PKHD1: variants seen among roughly 807,000 people sequenced by gnomAD.
The protein encoded by PKHD1 is PKHD1 ciliary IPT domain containing fibrocystin/polyductin, also known as fibrocystin.
In PKHD1, 291 loss-of-function variants were observed where a neutral mutation model predicts 412.0. The ratio of observed to expected loss-of-function variants is 0.71; its 90% confidence interval spans 0.64 to 0.78. The LOEUF (loss-of-function observed/expected upper bound fraction) is 0.78, where lower values mean the gene tolerates loss of function less well. PKHD1 is among the 30% of genes least tolerant of loss of function. The pLI is 0.00. For synonymous variants in PKHD1, 1,777 were observed against 1,821.5 expected (o/e 0.98, Z 0.62); for missense variants, 4,825 against 4,950.7 (o/e 0.97, Z 0.76).
intron 29 of PKHD1, among the ~76,000 whole-genome samples, chr6:52,029,323 T>G (rs927056049): frequency 3.3e-5 from 5 of 152,228 alleles, no homozygotes; most frequent in African/African-American, 1.2e-4. Flanking sequence ...GTGTACACTA[T>G]GAACACTTTC....
chr6:51,717,847 C>G (rs1310950394), intron 60 of PKHD1, among the ~76,000 whole-genome samples: 1 of 152,080 alleles, frequency 6.6e-6, no homozygotes, highest in Non-Finnish European at 1.5e-5. Flanking sequence ...AAGAAGGTAG[C>G]CTGAGTTCAA....
intron 43 of PKHD1, among the ~76,000 whole-genome samples, chr6:51,900,131 T>C (rs946649860): frequency 2.6e-5 from 4 of 152,192 alleles, no homozygotes; most frequent in Non-Finnish European, 5.9e-5. Flanking sequence ...CCCATCAAGC[T>C]ACCAAGGACT....
intron 60 of PKHD1, among the ~76,000 whole-genome samples, chr6:51,666,534 T>A (rs913854145): frequency 1.3e-5 from 2 of 150,894 alleles, no homozygotes; most frequent in African/African-American, 5.0e-5. Context: ...TATGTGCAAA[T>A]GTTTATAATT....
At chr6:51,844,096 G>A (rs758856621) in intron 50 of PKHD1, among the ~76,000 whole-genome samples, 3 of 152,308 alleles carry the variant, frequency 2.0e-5, no homozygotes, top group East Asian at 3.9e-4. Flanking sequence ...AACTTCTAGA[G>A]AAATAGTCTA....
intron 60 of PKHD1, among the ~76,000 whole-genome samples, chr6:51,727,339 G>T (rs1258077939): frequency 1.3e-5 from 2 of 152,168 alleles, no homozygotes; most frequent in African/African-American, 4.8e-5. Context: ...CTCCTCAGAT[G>T]AAAGAACTTG....
At chr6:51,743,498 T>C (rs1456431175) in intron 60 of PKHD1, among the ~76,000 whole-genome samples, 2 of 152,122 alleles carry the variant, frequency 1.3e-5, no homozygotes, top group African/African-American at 4.8e-5. Context: ...GTAAAGTCAG[T>C]TGGCTATACT....
intron 52 of PKHD1, among the ~76,000 whole-genome samples, chr6:51,806,516 T>C: frequency 6.6e-6 from 1 of 152,152 alleles, no homozygotes; most frequent in East Asian, 1.9e-4. Context: ...AAGATAACTG[T>C]ACATCATCCC....
At chr6:51,722,135 C>A in intron 60 of PKHD1, 1 of 1,553,456 alleles carries the variant, frequency 6.4e-7, no homozygotes. Flanking sequence ...AAATACCCCA[C>A]ACCTTGTAAT....
chr6:51,683,495 AT>A (rs892347858), intron 60 of PKHD1, among the ~76,000 whole-genome samples: 1 of 152,112 alleles, frequency 6.6e-6, no homozygotes, highest in Non-Finnish European at 1.5e-5. Context: ...AGTATACCTG[AT>A]TAAGCAAAAT....
chr6:51,624,953 G>A (rs1481573896), intron 66 of PKHD1, among the ~76,000 whole-genome samples: 1 of 152,144 alleles, frequency 6.6e-6, no homozygotes, highest in Non-Finnish European at 1.5e-5. Context: ...AATCTTATGA[G>A]TAGAAGAGTG....
At chr6:51,757,647 T>C (rs955560240) in intron 55 of PKHD1, among the ~76,000 whole-genome samples, 5 of 152,130 alleles carry the variant, frequency 3.3e-5, no homozygotes, top group Non-Finnish European at 7.4e-5. Flanking sequence ...TGACTGGTTT[T>C]GTATTCTTGT....
At chr6:51,722,155 C>T in intron 60 of PKHD1, 1 of 1,458,142 alleles carries the variant, frequency 6.9e-7, no homozygotes, top group Non-Finnish European at 9.4e-7. Flanking sequence ...TATCCGAGCT[C>T]TTTACTCATG....
chr6:52,001,034 A>C (rs1798311424), intron 35 of PKHD1, among the ~76,000 whole-genome samples: 1 of 152,126 alleles, frequency 6.6e-6, no homozygotes, highest in Non-Finnish European at 1.5e-5. Context: ...ACACCAGGGG[A>C]CTGTACCTAA....
intron 60 of PKHD1, among the ~76,000 whole-genome samples, chr6:51,683,471 G>T (rs1415064671): frequency 6.6e-6 from 1 of 152,006 alleles, no homozygotes; most frequent in African/African-American, 2.4e-5. Flanking sequence ...CAATATATAG[G>T]CTCAGGATGG....
intron 35 of PKHD1, among the ~76,000 whole-genome samples, chr6:51,977,520 C>A (rs1202367382): frequency 6.6e-6 from 1 of 152,212 alleles, no homozygotes; most frequent in African/African-American, 2.4e-5. Context: ...CCTCTTTCTT[C>A]CAGAAGCTTT....
At chr6:51,814,254 A>C (rs1256147054) in intron 52 of PKHD1, among the ~76,000 whole-genome samples, 1 of 152,200 alleles carries the variant, frequency 6.6e-6, no homozygotes, top group African/African-American at 2.4e-5. Flanking sequence ...AGGTACATAC[A>C]CTAGGAGCCA....
intron 35 of PKHD1, among the ~76,000 whole-genome samples, chr6:51,982,840 AAAAAATAAAAAAAT>A (rs1402504895): frequency 6.9e-6 from 1 of 144,118 alleles, no homozygotes; most frequent in African/African-American, 2.5e-5. Flanking sequence ...ATAAAAAATA[AAAAAATAAAAAAAT>A]AAAAATAAAA....
chr6:51,903,499 A>G (rs900946172), intron 43 of PKHD1, 98 bp downstream of exon 43: 54 of 976,260 alleles, frequency 5.5e-5, no homozygotes, highest in African/African-American at 4.8e-5. Flanking sequence ...TATTCTTCCA[A>G]TGTGGCCCAG....
chr6:51,683,482 G>A (rs1205224136), intron 60 of PKHD1, among the ~76,000 whole-genome samples: 1 of 152,038 alleles, frequency 6.6e-6, no homozygotes, highest in Non-Finnish European at 1.5e-5. Flanking sequence ...CTCAGGATGG[G>A]AAAGTATACC....
Sources: gnomAD v4.1 joint callset for allele counts (sites outside exome capture counted in the v4.1 genomes callset) on GRCh38, gnomAD v4.1.1 for gene constraint, MANE v1.5 for transcripts, NCBI Gene and HGNC (gene_info 2026-07-23, HGNC 2026-07-21) for gene names.